PSAT1: variants seen among roughly 807,000 people sequenced by gnomAD.
PSAT1 encodes phosphoserine aminotransferase.
Under a neutral mutation model 40.3 loss-of-function variants are expected in PSAT1, and 41 were observed. That is an observed-to-expected ratio of 1.02 (90% confidence interval 0.79 to 1.32). The LOEUF (loss-of-function observed/expected upper bound fraction) is 1.32, where lower values mean the gene tolerates loss of function less well. PSAT1 is among the 40% of genes most tolerant of loss of function. PSAT1 has a pLI of 0.00. For synonymous variants in PSAT1, 147 were observed against 170.5 expected, an observed-to-expected ratio of 0.86 and a Z score of 1.07; for missense variants, 406 against 455.8, an observed-to-expected ratio of 0.89 and a Z score of 0.99.
At chr9:78,297,377 A>G in intron 1 of PSAT1, 107 bp downstream of exon 1, 2 of 1,301,566 alleles carry the variant, frequency 1.5e-6, no homozygotes, top group Non-Finnish European at 2.1e-6. Context: ...CCCTGCCTTG[A>G]GTCCCCTAGG....
intron 6 of PSAT1, among the ~76,000 whole-genome samples, chr9:78,308,990 A>G (rs1197294301): frequency 6.6e-6 from 1 of 152,166 alleles, no homozygotes; most frequent in East Asian, 1.9e-4. Context: ...AAACAAACAA[A>G]TAATAAGTAA....
At chr9:78,298,227 G>T (rs1442517012) in intron 1 of PSAT1, 6 of 976,274 alleles carry the variant, frequency 6.1e-6, no homozygotes, top group Non-Finnish European at 7.3e-6. Context: ...TCTCCGATGT[G>T]CCTTGAGCCC....
chr9:78,320,397 C>T (rs1587645434), intron 7 of PSAT1, among the ~76,000 whole-genome samples: 1 of 151,478 alleles, frequency 6.6e-6, no homozygotes, highest in Non-Finnish European at 1.5e-5. Context: ...CCCATCCACA[C>T]ACCCACCTAT....
intron 3 of PSAT1, among the ~76,000 whole-genome samples, chr9:78,304,037 T>C (rs73451057): frequency 1.2e-3 from 177 of 152,276 alleles, no homozygotes; most frequent in African/African-American, 3.9e-3. Flanking sequence ...CCTAAAACAT[T>C]ATCGAAACCC....
At chr9:78,298,868 A>C (rs1048251959) in intron 1 of PSAT1, among the ~76,000 whole-genome samples, 11 of 152,182 alleles carry the variant, frequency 7.2e-5, no homozygotes, top group African/African-American at 2.7e-4. Flanking sequence ...CAAAGTATAC[A>C]CATTCAATTG....
At chr9:78,309,568 G>A (rs560896608) in intron 6 of PSAT1, among the ~76,000 whole-genome samples, 1 of 152,330 alleles carries the variant, frequency 6.6e-6, no homozygotes, top group Admixed American at 6.5e-5. Flanking sequence ...TCACCATGTT[G>A]GTCAGGCTGC....
intron 7 of PSAT1, among the ~76,000 whole-genome samples, chr9:78,319,844 C>T (rs186342050): frequency 1.3e-3 from 195 of 152,186 alleles, no homozygotes; most frequent in African/African-American, 4.5e-3. Context: ...ACATGGGCTG[C>T]TTGAAGGGCA....
chr9:78,317,949 G>A (rs1451628218), intron 7 of PSAT1, 145 bp downstream of exon 7: 3 of 1,030,166 alleles, frequency 2.9e-6, no homozygotes, highest in Non-Finnish European at 4.4e-6. Flanking sequence ...GGCCCCATGA[G>A]CAGGGGAGTG....
rs564112248 is a variant in PSAT1, at chr9:78,325,442, G to T, written c.870-2609G>T. ...CAGCCCCGGCCCTGTAGGTCTTCCA[G>T]CCACCCCAGCCAGGAAGCCAGTGCT... On this transcript the variant is annotated intron_variant, in intron 7 of 8. Coordinates refer to ENST00000376588, the MANE Select transcript of PSAT1 (RefSeq NM_058179.4). 3.3e-5 allele frequency among the ~76,000 whole-genome samples: 5 copies of T among 152,340 alleles called. No homozygotes were observed. The South Asian group carries it at 1.0e-3, about 32-fold the overall frequency.
intron 1 of PSAT1, among the ~76,000 whole-genome samples, chr9:78,297,871 CT>C (rs988347696): frequency 2.6e-5 from 4 of 152,214 alleles, no homozygotes; most frequent in Admixed American, 1.3e-4. Context: ...AGGAACACTG[CT>C]TTTCAGAAAT....
chr9:78,320,103 TATCC>T (rs1253684221), intron 7 of PSAT1, among the ~76,000 whole-genome samples: 1 of 150,068 alleles, frequency 6.7e-6, no homozygotes, highest in Non-Finnish European at 1.5e-5. Flanking sequence ...CCTGCCTACC[TATCC>T]ATCCATCTAC....
chr9:78,328,866 C>A lies in PSAT1; in HGVS notation c.1008-115C>A, dbSNP rs368745817. On this transcript the variant is annotated intron_variant, in intron 8 of 8. Coordinates refer to ENST00000376588, the MANE Select transcript of PSAT1 (RefSeq NM_058179.4). ...GTGTCGGGAGTTTTTAGGTAGGAGA[C>A]CGGAAATGATGGTCTCAGGTGCTGC... 150 of 816,434 alleles carry A rather than the reference C, an allele frequency of 1.8e-4. 1 individual carries two copies. The East Asian group carries it at 3.6e-3, about 20-fold the overall frequency. 50.6% of individuals were successfully genotyped at this position (816,434 alleles called of 1,614,324 possible).
intron 6 of PSAT1, among the ~76,000 whole-genome samples, chr9:78,313,073 A>G (rs956939885): frequency 2.0e-5 from 3 of 152,028 alleles, no homozygotes; most frequent in Non-Finnish European, 4.4e-5. Flanking sequence ...TATAACAGTG[A>G]TATACTCTTA....
chr9:78,305,628 T>G (rs934212629), intron 4 of PSAT1, among the ~76,000 whole-genome samples: 3 of 152,196 alleles, frequency 2.0e-5, no homozygotes, highest in African/African-American at 7.2e-5. Context: ...CTCCCAAGTT[T>G]CAATGCCTTT....
chr9:78,321,448 G>A (rs1479908180), intron 7 of PSAT1, among the ~76,000 whole-genome samples: 1 of 152,158 alleles, frequency 6.6e-6, no homozygotes, highest in Non-Finnish European at 1.5e-5. Flanking sequence ...CCCATGGGAG[G>A]TGGCCACTTT....
chr9:78,308,368 A>G, intron 5 of PSAT1, 46 bp from the exon 6 acceptor site: 1 of 1,601,010 alleles, frequency 6.2e-7, no homozygotes, highest in East Asian at 2.2e-5. Context: ...ACATGTATGA[A>G]AAATGGCCAA....
At chr9:78,300,509 C>G in intron 1 of PSAT1, 93 bp from the exon 2 acceptor site, 1 of 1,483,910 alleles carries the variant, frequency 6.7e-7, no homozygotes, top group South Asian at 1.3e-5. Flanking sequence ...TCACTGTAGA[C>G]CCTTCCTTGT....
rs587777747 is a variant in PSAT1, at chr9:78,300,646, TG to T, written c.107del (p.Gly36AlafsTer7). 67 of 1,608,416 alleles carry T rather than the reference TG, an allele frequency of 4.2e-5. No homozygotes were observed. Among genetic ancestry groups the T allele is most frequent in the Admixed American group, 8.4e-5 (5 of 59,360 alleles). On this transcript the variant is annotated frameshift_variant, in exon 2 of 9. Transcript: ENST00000376588. LOFTEE classifies it high-confidence loss of function. ...AGGAATTATTAGACTACAAAGGAGT[TG>T]GCATTAGTGTTCTTGGTAAGATTTA... ...QKELLDYKGV[G>X]ISVLEMSHRS...
chr9:78,309,215 T>G (rs1025529146), intron 6 of PSAT1, among the ~76,000 whole-genome samples: 10 of 152,216 alleles, frequency 6.6e-5, no homozygotes, highest in African/African-American at 2.2e-4. Flanking sequence ...ATACATGAGG[T>G]GCTGTGGCCT....
Sources: allele counts gnomAD v4.1 joint callset (sites outside exome capture counted in the v4.1 genomes callset), GRCh38; gene constraint gnomAD v4.1.1; transcripts MANE v1.5; gene names NCBI Gene and HGNC (gene_info 2026-07-23, HGNC 2026-07-21).